EPHA6: variants seen among roughly 807,000 people sequenced by gnomAD.
EPHA6 encodes the protein ephrin type-A receptor 6.
In EPHA6, 50 loss-of-function variants were observed where a neutral mutation model predicts 112.0. The ratio of observed to expected loss-of-function variants is 0.45; its 90% CI spans 0.36 to 0.56. The LOEUF is 0.56. Among genes scored for constraint, EPHA6 ranks in the 20% least tolerant of loss-of-function variants. The pLI, the probability that EPHA6 is intolerant of heterozygous loss-of-function variation, is 0.00. For missense variants in EPHA6, 1,280 were observed against 1,417.4 expected (o/e 0.90, Z 1.56); for synonymous variants, 529 against 490.7 (o/e 1.08, Z -1.03).
chr3:97,560,774 G>T (rs1420595965), intron 11 of EPHA6, among the ~76,000 whole-genome samples: 2 of 151,916 alleles, frequency 1.3e-5, no homozygotes, highest in Non-Finnish European at 2.9e-5. Flanking sequence ...CATTTTTATT[G>T]CATGCTTCTT....
At chr3:97,501,860 AG>A (rs1172072370) in intron 10 of EPHA6, among the ~76,000 whole-genome samples, 1 of 152,090 alleles carries the variant, frequency 6.6e-6, no homozygotes, top group East Asian at 1.9e-4. Flanking sequence ...ATGGTGGTCA[AG>A]GGTGCACAGG....
intron 2 of EPHA6, among the ~76,000 whole-genome samples, chr3:96,905,763 A>C (rs779238278): frequency 2.0e-5 from 3 of 152,022 alleles, no homozygotes. Context: ...TGCAGATGCA[A>C]GAGAAATCGG....
chr3:97,247,218 C>T (rs1332104597), intron 5 of EPHA6, among the ~76,000 whole-genome samples: 1 of 151,866 alleles, frequency 6.6e-6, no homozygotes. Flanking sequence ...AGTGGTTTAC[C>T]TTCTCTGTAG....
At chr3:96,927,390 C>T (rs2040094073) in intron 2 of EPHA6, among the ~76,000 whole-genome samples, 1 of 152,220 alleles carries the variant, frequency 6.6e-6, no homozygotes, top group Non-Finnish European at 1.5e-5. Flanking sequence ...CATTCAGCTC[C>T]TTGTTACTTA....
intron 6 of EPHA6, among the ~76,000 whole-genome samples, chr3:97,408,541 C>CT (rs1485882145): frequency 6.6e-6 from 1 of 152,004 alleles, no homozygotes; most frequent in African/African-American, 2.4e-5. Context: ...AACTAATAAA[C>CT]TATGTGGCTT....
chr3:97,641,476 C>A (rs301938), intron 14 of EPHA6, among the ~76,000 whole-genome samples: 93,135 of 152,022 alleles, frequency 0.61, 28,570 homozygotes, highest in East Asian at 0.68. Context: ...GTCTACAGCT[C>A]CCAGCGTGAG....
At chr3:97,192,788 T>C (rs1283087798) in intron 3 of EPHA6, among the ~76,000 whole-genome samples, 4 of 152,178 alleles carry the variant, frequency 2.6e-5, no homozygotes, top group African/African-American at 7.2e-5. Flanking sequence ...TCAATCTTTA[T>C]TTGATTTTTG....
intron 3 of EPHA6, among the ~76,000 whole-genome samples, chr3:97,089,893 T>G (rs1042347672): frequency 3.3e-5 from 5 of 152,072 alleles, no homozygotes; most frequent in Non-Finnish European, 7.4e-5. Context: ...CTGGTTTAAT[T>G]GAAAACAAAC....
intron 14 of EPHA6, among the ~76,000 whole-genome samples, chr3:97,682,714 C>T (rs1223786254): frequency 1.3e-5 from 2 of 152,096 alleles, no homozygotes; most frequent in African/African-American, 4.8e-5. Flanking sequence ...AGAAGCCCAC[C>T]GTGCACAGTA....
chr3:97,255,134 T>C (rs921887640), intron 5 of EPHA6, among the ~76,000 whole-genome samples: 7 of 139,780 alleles, frequency 5.0e-5, no homozygotes, highest in Non-Finnish European at 9.0e-5. Context: ...TTTCCAGAGG[T>C]ACATCTTGGA....
chr3:97,089,961 A>AAATTTTGT (rs2047012421), intron 3 of EPHA6, among the ~76,000 whole-genome samples: 1 of 152,114 alleles, frequency 6.6e-6, no homozygotes, highest in Non-Finnish European at 1.5e-5. Flanking sequence ...AATCATATTG[A>AAATTTTGT]AATTTTGTCT....
At position 97,655,886 on chromosome 3, in the gene EPHA6, C is replaced by T. The variant is rs1244558014; in HGVS notation, c.2784+17804C>T. On this transcript the variant is annotated intron_variant, in intron 14 of 17. Transcript: ENST00000389672. ...CAAACCTGCACGTTGTGCACATGTA[C>T]CCTAAAACTTAAAGTATAATAAAAA... Among the ~76,000 whole-genome samples, 3 of 151,818 alleles carry T rather than the reference C, an allele frequency of 2.0e-5. No individual in the cohort carries two copies. In the East Asian group the frequency reaches 5.8e-4, roughly 29 times the overall value.
At chr3:97,523,346 C>T (rs532685761) in intron 10 of EPHA6, among the ~76,000 whole-genome samples, 2 of 152,124 alleles carry the variant, frequency 1.3e-5, no homozygotes, top group South Asian at 4.2e-4. Context: ...TCCAGAATTT[C>T]TCCTTTATTA....
intron 1 of EPHA6, among the ~76,000 whole-genome samples, chr3:96,852,443 A>T (rs1393022181): frequency 2.0e-5 from 3 of 151,964 alleles, no homozygotes; most frequent in Non-Finnish European, 4.4e-5. Context: ...AAATAATAAT[A>T]AAAAAAGTGA....
chr3:96,968,111 AATT>A (rs1356622224), intron 2 of EPHA6, among the ~76,000 whole-genome samples: 1 of 151,258 alleles, frequency 6.6e-6, no homozygotes, highest in African/African-American at 2.4e-5. Context: ...GGGTGTATAT[AATT>A]ATTTATTTTC....
chr3:96,896,841 T>G (rs1368693307), intron 2 of EPHA6, among the ~76,000 whole-genome samples: 1 of 152,186 alleles, frequency 6.6e-6, no homozygotes, highest in Non-Finnish European at 1.5e-5. Context: ...AATTTTTCAT[T>G]TATCCATTCA....
At chr3:97,322,009 G>T (rs1470424797) in intron 5 of EPHA6, among the ~76,000 whole-genome samples, 1 of 151,990 alleles carries the variant, frequency 6.6e-6, no homozygotes, top group Non-Finnish European at 1.5e-5. Flanking sequence ...CATGAATCTG[G>T]CCCTGTTTCC....
intron 11 of EPHA6, among the ~76,000 whole-genome samples, chr3:97,534,621 G>T (rs1344472170): frequency 6.6e-6 from 1 of 151,894 alleles, no homozygotes; most frequent in African/African-American, 2.4e-5. Flanking sequence ...GATGTTAATT[G>T]CCCCTAAGAT....
At chr3:97,502,617 G>A (rs979274881) in intron 10 of EPHA6, among the ~76,000 whole-genome samples, 10 of 151,398 alleles carry the variant, frequency 6.6e-5, no homozygotes, top group Admixed American at 1.3e-4. Context: ...GGAGGATCAC[G>A]AGGTCAGGAG....
Sources: gnomAD v4.1 joint callset for allele counts (sites outside exome capture counted in the v4.1 genomes callset) on GRCh38, gnomAD v4.1.1 for gene constraint, MANE v1.5 for transcripts, NCBI Gene and HGNC (gene_info 2026-07-23, HGNC 2026-07-21) for gene names.